Variants in WASL observed in about 807,000 individuals in gnomAD.
WASL encodes WASP like actin nucleation promoting factor.
WASL carries 20 observed loss-of-function variants against 55.5 expected under a neutral mutation model. The ratio of observed to expected loss-of-function variants is 0.36; its 90% CI spans 0.25 to 0.52. The LOEUF (loss-of-function observed/expected upper bound fraction) is 0.52, where lower values mean the gene tolerates loss of function less well. Among genes scored for constraint, WASL ranks in the 20% least tolerant of loss-of-function variants. The probability of loss-of-function intolerance (pLI) is 0.92; values close to 1 mark genes in which losing one functional copy is unlikely to be tolerated. For missense variants in WASL, 504 were observed against 622.5 expected, an observed-to-expected ratio of 0.81 and a Z score of 2.03; for synonymous variants, 249 against 217.6, an observed-to-expected ratio of 1.14 and a Z score of -1.27.
intron 1 of WASL, among the ~76,000 whole-genome samples, chr7:123,717,902 C>T (rs1438850812): frequency 6.6e-6 from 1 of 152,098 alleles, no homozygotes; most frequent in Non-Finnish European, 1.5e-5. Context: ...TATGCCTGCG[C>T]TGCAAAAAAC....
chr7:123,725,227 T>C (rs1804021355), intron 1 of WASL, among the ~76,000 whole-genome samples: 1 of 152,220 alleles, frequency 6.6e-6, no homozygotes, highest in African/African-American at 2.4e-5. Flanking sequence ...TGGTGTTCTA[T>C]CTTTTACACA....
intron 1 of WASL, among the ~76,000 whole-genome samples, chr7:123,737,492 A>G (rs1804255136): frequency 6.6e-6 from 1 of 151,052 alleles, no homozygotes; most frequent in South Asian, 2.1e-4. Context: ...GCTACTCAGG[A>G]GGCTGAGGCA....
intron 5 of WASL, among the ~76,000 whole-genome samples, chr7:123,697,524 A>T (rs189232703): frequency 6.6e-6 from 1 of 152,348 alleles, no homozygotes; most frequent in African/African-American, 2.4e-5. Flanking sequence ...AAAATTTCTT[A>T]AAAATTCAAC....
chr7:123,724,386 T>C (rs190305595), intron 1 of WASL, among the ~76,000 whole-genome samples: 1 of 152,326 alleles, frequency 6.6e-6, no homozygotes. Flanking sequence ...ACTCCATATA[T>C]GTAGAGTTCA....
chr7:123,721,197 A>G (rs1409575420), intron 1 of WASL, among the ~76,000 whole-genome samples: 2 of 152,198 alleles, frequency 1.3e-5, no homozygotes, highest in Non-Finnish European at 2.9e-5. Context: ...GCAAATTAAA[A>G]TTTTTTGTCT....
rs764252567 is a variant in WASL at position 123,748,657 on chromosome 7, C to T, written c.78G>A (p.Glu26=). 2 of 1,613,290 alleles carry T rather than the reference C, an allele frequency of 1.2e-6. No homozygotes were observed. The highest frequency in any genetic ancestry group is 1.7e-6 in the Non-Finnish European group (2 of 1,179,640). ...NVGSLLLTPQ[E]NESLFTFLGK... is the part of the protein sequence containing the mutation. ...CGAGGAAAGTGAAGAGGGACTCGTT[C>T]TCCTGCGGGGTGAGCAACAGGGACC... Residue 26 remains glutamate, a synonymous_variant, in exon 1 of 11, where the codon GAG becomes GAA. Transcript: ENST00000223023.
chr7:123,716,403 T>C (rs756117770), intron 1 of WASL, among the ~76,000 whole-genome samples: 4 of 151,852 alleles, frequency 2.6e-5, no homozygotes, highest in Non-Finnish European at 5.9e-5. Flanking sequence ...TTTGTAGAGA[T>C]GGGGTTTCAG....
intron 5 of WASL, among the ~76,000 whole-genome samples, chr7:123,700,755 T>C (rs1263118205): frequency 3.3e-5 from 5 of 152,208 alleles, no homozygotes; most frequent in Non-Finnish European, 5.9e-5. Flanking sequence ...CTACCTCTTA[T>C]ACCTCTTACA....
intron 1 of WASL, among the ~76,000 whole-genome samples, chr7:123,729,429 A>G (rs1482848545): frequency 6.6e-6 from 1 of 152,214 alleles, no homozygotes; most frequent in African/African-American, 2.4e-5. Flanking sequence ...TATATTTTTA[A>G]TGAGTAAGAC....
At chr7:123,723,750 T>C (rs1803995117) in intron 1 of WASL, among the ~76,000 whole-genome samples, 1 of 152,208 alleles carries the variant, frequency 6.6e-6, no homozygotes, top group South Asian at 2.1e-4. Flanking sequence ...CTGCTGTTTT[T>C]CTCAGAGCTT....
At chr7:123,722,276 G>A (rs567074075) in intron 1 of WASL, among the ~76,000 whole-genome samples, 54 of 152,234 alleles carry the variant, frequency 3.5e-4, no homozygotes, top group Admixed American at 8.5e-4. Flanking sequence ...TAATTTATTA[G>A]AACAAGATAT....
intron 1 of WASL, among the ~76,000 whole-genome samples, chr7:123,725,454 C>T (rs976974987): frequency 6.6e-6 from 1 of 151,954 alleles, no homozygotes; most frequent in African/African-American, 2.4e-5. Flanking sequence ...TAATTTTACA[C>T]AGAATTTATG....
At chr7:123,704,821 G>A (rs1328070240) in intron 4 of WASL, among the ~76,000 whole-genome samples, 164 bp from the exon 5 acceptor site, 1 of 152,032 alleles carries the variant, frequency 6.6e-6, no homozygotes, top group Admixed American at 6.6e-5. Flanking sequence ...AATAAAATAA[G>A]TAAGGGAACA....
chr7:123,716,670 A>G (rs1803847761), intron 1 of WASL, among the ~76,000 whole-genome samples: 1 of 151,988 alleles, frequency 6.6e-6, no homozygotes, highest in South Asian at 2.1e-4. Flanking sequence ...AGAGAGAAAG[A>G]GGGAGGCAGG....
chr7:123,748,285 G>A (rs1185537304), intron 1 of WASL, among the ~76,000 whole-genome samples: 1 of 152,156 alleles, frequency 6.6e-6, no homozygotes, highest in Non-Finnish European at 1.5e-5. Context: ...CTAGGACCAA[G>A]CGGCTCTTGC....
chr7:123,689,398 A>G (rs559231030), intron 9 of WASL, among the ~76,000 whole-genome samples: 32 of 152,322 alleles, frequency 2.1e-4, no homozygotes, highest in Admixed American at 1.9e-3. Context: ...CTATGTTTAC[A>G]TTCAGATAAC....
chr7:123,746,435 T>C (rs1018786256), intron 1 of WASL, among the ~76,000 whole-genome samples: 3 of 152,228 alleles, frequency 2.0e-5, no homozygotes, highest in Non-Finnish European at 4.4e-5. Context: ...GGATTTATTA[T>C]GAGACAATAT....
At chr7:123,695,737 C>A in intron 7 of WASL, 86 bp downstream of exon 7, 2 of 1,389,358 alleles carry the variant, frequency 1.4e-6, no homozygotes, top group Admixed American at 2.0e-5. Context: ...TACTAGAAAC[C>A]ACAAAAATGA....
intron 5 of WASL, among the ~76,000 whole-genome samples, chr7:123,697,483 A>G (rs954111107): frequency 6.6e-6 from 1 of 152,220 alleles, no homozygotes; most frequent in Non-Finnish European, 1.5e-5. Context: ...TCTTAAAAGT[A>G]TGAAAGTCTG....
Sources: allele counts gnomAD v4.1 joint callset (sites outside exome capture counted in the v4.1 genomes callset), GRCh38; gene constraint gnomAD v4.1.1; transcripts MANE v1.5; gene names NCBI Gene and HGNC (gene_info 2026-07-23, HGNC 2026-07-21).